The following RORA variants were observed in gnomAD, a reference collection of about 807,000 sequenced individuals.
RORA encodes nuclear receptor ROR-alpha.
RORA carries 7 observed loss-of-function variants against 69.5 expected under a neutral mutation model. The ratio of observed to expected loss-of-function variants is 0.10; its 90% CI spans 0.06 to 0.19. The LOEUF (loss-of-function observed/expected upper bound fraction) is 0.19. Ranked by LOEUF, RORA falls within the 10% of genes least tolerant of loss-of-function variation. The pLI, the probability that RORA is intolerant of heterozygous loss-of-function variation, is 1.00. For synonymous variants in RORA, 261 were observed against 240.8 expected, an observed-to-expected ratio of 1.08 and a Z score of -0.78; for missense variants, 457 against 663.0, an observed-to-expected ratio of 0.69 and a Z score of 3.41.
At chr15:60,727,471 A>AT (rs2071375249) in intron 1 of RORA, among the ~76,000 whole-genome samples, 1 of 152,176 alleles carries the variant, frequency 6.6e-6, no homozygotes, top group Admixed American at 6.5e-5. Flanking sequence ...CCCATCCACA[A>AT]TAAGAGCCTC....
intron 3 of RORA, among the ~76,000 whole-genome samples, chr15:60,526,791 A>G (rs2066372272): frequency 6.6e-6 from 1 of 152,232 alleles, no homozygotes; most frequent in East Asian, 1.9e-4. Context: ...ACATTTCACA[A>G]CTGAGATAAT....
chr15:60,864,849 CG>C (rs1287541956), intron 1 of RORA, among the ~76,000 whole-genome samples: 1 of 152,164 alleles, frequency 6.6e-6, no homozygotes, highest in Non-Finnish European at 1.5e-5. Context: ...GTAATTGCAA[CG>C]GTCTAGTGAA....
chr15:60,568,902 T>C (rs185816092), intron 2 of RORA, among the ~76,000 whole-genome samples: 1 of 151,750 alleles, frequency 6.6e-6, no homozygotes, highest in Non-Finnish European at 1.5e-5. Context: ...CTGAATAGTT[T>C]TGATATTTTT....
Position 60,940,283 on chromosome 15 carries a change from A to G in RORA, c.167-261597T>C, listed in dbSNP as rs184536795. On this transcript the variant is annotated intron_variant, in intron 1 of 10. Transcript: ENST00000335670. The stretch of plus-strand genomic sequence containing the variant: ...CAACCCCAAAGGCCATCAATTGGTA[A>G]GGAATAAACAAACTGTACGTCCATA... Among the ~76,000 whole-genome samples the G allele has an allele frequency of 9.2e-5, 14 of 152,352 alleles. No homozygotes were observed. The East Asian group carries it at 2.7e-3, about 29-fold the overall frequency.
chr15:60,628,152 T>C (rs2069641661), intron 2 of RORA, among the ~76,000 whole-genome samples: 1 of 152,190 alleles, frequency 6.6e-6, no homozygotes, highest in South Asian at 2.1e-4. Context: ...TTTTACCTGG[T>C]GTCCTCTTCC....
chr15:61,118,171 A>G (rs947377185), intron 1 of RORA, among the ~76,000 whole-genome samples: 4 of 152,144 alleles, frequency 2.6e-5, no homozygotes, highest in African/African-American at 4.8e-5. Flanking sequence ...ATACAGATAT[A>G]CAGAGAGTAT....
At chr15:61,014,483 C>T (rs960717612) in intron 1 of RORA, among the ~76,000 whole-genome samples, 1 of 152,136 alleles carries the variant, frequency 6.6e-6, no homozygotes, top group African/African-American at 2.4e-5. Context: ...CTTCAACTTG[C>T]TTTTGATTTA....
intron 1 of RORA, among the ~76,000 whole-genome samples, chr15:60,895,806 G>A (rs1267769973): frequency 2.0e-5 from 3 of 152,054 alleles, no homozygotes; most frequent in Non-Finnish European, 4.4e-5. Flanking sequence ...CTCTTACTTT[G>A]ACTTTTTACC....
At position 61,037,325 on chromosome 15, in the gene RORA, G is replaced by C. The variant is rs1896506195; in HGVS notation, c.166+191728C>G. Among the ~76,000 whole-genome samples, 3 of 152,218 alleles carry C rather than the reference G, an allele frequency of 2.0e-5. No individual in the cohort carries two copies. The South Asian group carries it at 6.2e-4, about 31-fold the overall frequency. On this transcript the variant is annotated intron_variant, in intron 1 of 10. Transcript: ENST00000335670. Reference sequence around the variant, plus strand: ...TGGGTAGAGGAAGTACGCTGAAGCAGATTCCAACCAAACCAATGAATGAAT... The same window carrying C: ...TGGGTAGAGGAAGTACGCTGAAGCACATTCCAACCAAACCAATGAATGAAT...
At chr15:61,176,575 A>G (rs1178023054) in intron 1 of RORA, 1 of 152,264 alleles carries the variant, frequency 6.6e-6, no homozygotes, top group East Asian at 1.9e-4. Flanking sequence ...GTCTCCCAAA[A>G]TGCTTGGGGA....
At chr15:60,693,864 C>T (rs1487048007) in intron 1 of RORA, among the ~76,000 whole-genome samples, 2 of 152,116 alleles carry the variant, frequency 1.3e-5, no homozygotes, top group Admixed American at 6.5e-5. Flanking sequence ...AATGGCCATA[C>T]TACCCAAAGT....
At chr15:61,164,143 CA>C (rs57024937) in intron 1 of RORA, among the ~76,000 whole-genome samples, 6,393 of 141,556 alleles carry the variant, frequency 0.045, 318 homozygotes, top group African/African-American at 0.13. Flanking sequence ...TGGCCTGTAT[CA>C]AAAAAAAAAA....
intron 2 of RORA, among the ~76,000 whole-genome samples, chr15:60,651,372 TG>T (rs1370283344): frequency 2.0e-5 from 3 of 152,134 alleles, no homozygotes; most frequent in African/African-American, 7.2e-5. Context: ...CAGTAAGGTT[TG>T]TCCAGATTTC....
intron 1 of RORA, among the ~76,000 whole-genome samples, chr15:61,155,899 C>G (rs1397641724): frequency 1.3e-5 from 2 of 152,154 alleles, no homozygotes; most frequent in East Asian, 3.9e-4. Context: ...TCAACCCAGC[C>G]AAGGCAGGAA....
Position 60,624,530 on chromosome 15 carries a change from A to AG in RORA, c.196+54126_196+54127insC, listed in dbSNP as rs2069518743. On this transcript the variant is annotated intron_variant, in intron 2 of 10. Transcript: ENST00000335670. Reference sequence around the variant, plus strand: ...ATGTGTGTGTATATATATATATAGTATATATATATTTGCTGTATATATATA... The same window carrying AG: ...ATGTGTGTGTATATATATATATAGTAGTATATATATTTGCTGTATATATATA... Among the ~76,000 whole-genome samples, 5 of 119,476 alleles carry AG rather than the reference A, an allele frequency of 4.2e-5. No homozygotes were observed. In the South Asian group the frequency reaches 1.0e-3, roughly 25 times the overall value. 78.4% of individuals were successfully genotyped at this position (119,476 alleles called of 152,430 possible).
chr15:61,033,181 G>C (rs1896265306), intron 1 of RORA, among the ~76,000 whole-genome samples: 4 of 152,120 alleles, frequency 2.6e-5, no homozygotes, highest in South Asian at 2.1e-4. Flanking sequence ...ACAAATTTAG[G>C]CTCCAGTCTA....
chr15:60,787,375 A>G (rs1180473055), intron 1 of RORA, among the ~76,000 whole-genome samples: 1 of 152,248 alleles, frequency 6.6e-6, no homozygotes, highest in African/African-American at 2.4e-5. Context: ...CGAAGGAGCC[A>G]CTAACTGTGG....
chr15:60,806,986 C>G (rs1259663747), intron 1 of RORA, among the ~76,000 whole-genome samples: 1 of 152,042 alleles, frequency 6.6e-6, no homozygotes, highest in African/African-American at 2.4e-5. Context: ...AAAGCATTCC[C>G]CCTGAGAACT....
chr15:60,721,665 A>C (rs1039911183), intron 1 of RORA, among the ~76,000 whole-genome samples: 2 of 152,270 alleles, frequency 1.3e-5, no homozygotes, highest in African/African-American at 4.8e-5. Context: ...TGGAAAACTT[A>C]TTTACACCTT....
Sources: allele counts gnomAD v4.1 joint callset (sites outside exome capture counted in the v4.1 genomes callset), GRCh38; gene constraint gnomAD v4.1.1; transcripts MANE v1.5; gene names NCBI Gene and HGNC (gene_info 2026-07-23, HGNC 2026-07-21).